Variants in MRPL39 observed in about 807,000 individuals in gnomAD.
The protein encoded by MRPL39 is large ribosomal subunit protein mL39.
A neutral mutation model predicts 44.5 loss-of-function variants in MRPL39; 35 were observed. The observed-to-expected ratio is 0.79, with a 90% confidence interval of 0.60 to 1.04. MRPL39 has a LOEUF of 1.04. Ranked by LOEUF, MRPL39 falls within the 50% of genes least tolerant of loss-of-function variation. The pLI, the probability that MRPL39 is intolerant of heterozygous loss-of-function variation, is 0.00. For synonymous variants in MRPL39, 139 were observed against 136.1 expected, an observed-to-expected ratio of 1.02 and a Z score of -0.15; for missense variants, 433 against 413.5, an observed-to-expected ratio of 1.05 and a Z score of -0.41.
At position 25,593,930 on chromosome 21, in the gene MRPL39, C is replaced by A. The variant is rs779579414; in HGVS notation, c.730G>T (p.Ala244Ser). ...ACTATTCTCTCAGGGTTCTGAGATG[C>A]CTTCTCTTCTATGAAATCTACTTTG... ...KYKVDFIEEK[A>S]SQNPERIVKL... is the part of the protein sequence containing the mutation. Residue 244 changes from alanine to serine, a missense_variant, in exon 7 of 10, where the codon GCA becomes TCA. Physicochemically the swap from Ala to Ser is moderately conservative, Grantham distance 99. Transcript: ENST00000352957. The A allele has an allele frequency of 6.4e-5, 104 of 1,613,488 alleles. No homozygotes were observed. Among genetic ancestry groups the A allele is most frequent in the Non-Finnish European group, 7.8e-5 (92 of 1,179,866 alleles).
intron 3 of MRPL39, among the ~76,000 whole-genome samples, chr21:25,602,576 G>A (rs2031552969): frequency 6.6e-6 from 1 of 152,016 alleles, no homozygotes; most frequent in African/African-American, 2.4e-5. Flanking sequence ...CAAGAACTAG[G>A]TCCAATAAGG....
intron 6 of MRPL39, among the ~76,000 whole-genome samples, chr21:25,595,532 T>G (rs567908524): frequency 6.6e-6 from 1 of 152,336 alleles, no homozygotes; most frequent in Non-Finnish European, 1.5e-5. Context: ...AATCTCAATG[T>G]GTACTGAATG....
rs760133011 is a variant in MRPL39 at position 25,606,649 on chromosome 21, A to G, written c.80T>C (p.Ile27Thr). The change falls in exon 2 of 10, where the codon ATA becomes ACA. Residue 27 changes from isoleucine to threonine, a missense_variant. Physicochemically the swap from Ile to Thr is moderately conservative, Grantham distance 89 (BLOSUM62 -1). Coordinates refer to ENST00000352957, the MANE Select transcript of MRPL39 (RefSeq NM_017446.4). The part of the protein sequence containing the change: ...APGGGIKWRF[I>T]ATSSASQLSP... ...CAGCTGAGAAGCTGACGATGTTGCT[A>G]TAAATCCTGTGGAGAAGTTACAATA... is the stretch of plus-strand genomic sequence containing the variant. 7 of 1,609,808 alleles carry G rather than the reference A, an allele frequency of 4.3e-6. No individual in the cohort carries two copies. The highest frequency in any genetic ancestry group is 2.5e-6 in the Non-Finnish European group (3 of 1,176,496).
intron 2 of MRPL39, 66 bp from the exon 3 acceptor site, chr21:25,604,001 T>C: frequency 6.9e-7 from 1 of 1,450,812 alleles, no homozygotes; most frequent in South Asian, 1.3e-5. Flanking sequence ...GTTTAAGTGC[T>C]ATATTTAGAA....
intron 4 of MRPL39, among the ~76,000 whole-genome samples, chr21:25,601,154 A>T (rs540942324): frequency 6.6e-6 from 1 of 152,322 alleles, no homozygotes; most frequent in South Asian, 2.1e-4. Flanking sequence ...TGAAATTCAT[A>T]TTCAAGACAA....
chr21:25,599,988 T>G lies in MRPL39; in HGVS notation c.521-122A>C. ...AGCACTCTCTCCCAACTCTACAAAT[T>G]ATAAAATGGTTGCCATTCTTCCAGC... On this transcript the variant is annotated intron_variant, in intron 4 of 9. Coordinates refer to ENST00000352957, the MANE Select transcript of MRPL39 (RefSeq NM_017446.4). The G allele has an allele frequency of 5.7e-6, 4 of 702,044 alleles. No homozygotes were observed. In the South Asian group the frequency reaches 7.5e-5, roughly 13 times the overall value. 43.5% of individuals were successfully genotyped at this position (702,044 alleles called of 1,614,324 possible). A position where few individuals can be genotyped will look rare whatever the true frequency, so the allele number is the denominator to read the frequency against.
intron 6 of MRPL39, among the ~76,000 whole-genome samples, chr21:25,594,535 C>T (rs1320457213): frequency 1.3e-5 from 2 of 152,076 alleles, no homozygotes; most frequent in Non-Finnish European, 2.9e-5. Context: ...CGATGAACCA[C>T]CACATCCAGC....
intron 4 of MRPL39, among the ~76,000 whole-genome samples, chr21:25,600,310 C>T (rs560269732): frequency 5.6e-5 from 8 of 143,208 alleles, no homozygotes; most frequent in African/African-American, 1.8e-4. Flanking sequence ...GCAGAAGAAT[C>T]GCTTGAATCT....
intron 8 of MRPL39, among the ~76,000 whole-genome samples, chr21:25,589,771 T>C (rs970640471): frequency 4.6e-5 from 7 of 152,128 alleles, no homozygotes; most frequent in Admixed American, 3.3e-4. Flanking sequence ...AATATCAACA[T>C]ACAAACCCTT....
intron 1 of MRPL39, among the ~76,000 whole-genome samples, chr21:25,607,011 G>A (rs4143356): frequency 0.081 from 12,280 of 152,284 alleles, 1,222 homozygotes; most frequent in African/African-American, 0.22. Context: ...GTCCCACACC[G>A]AAACTATCAA....
At chr21:25,596,350 G>T (rs972722088) in intron 6 of MRPL39, among the ~76,000 whole-genome samples, 18 of 152,138 alleles carry the variant, frequency 1.2e-4, no homozygotes, top group Non-Finnish European at 2.5e-4. Flanking sequence ...TGCCCGCCTC[G>T]GCCTCCCAAA....
intron 6 of MRPL39, among the ~76,000 whole-genome samples, chr21:25,596,398 G>A (rs192011972): frequency 1.2e-4 from 18 of 152,272 alleles, no homozygotes; most frequent in Non-Finnish European, 1.9e-4. Context: ...GCGCCCAGCC[G>A]AGTAAAATTT....
chr21:25,606,406 T>C, intron 2 of MRPL39, 43 bp downstream of exon 2: 1 of 1,496,726 alleles, frequency 6.7e-7, no homozygotes, highest in Non-Finnish European at 9.1e-7. Context: ...TCCACACAGC[T>C]TAAGTAAAAG....
intron 8 of MRPL39, among the ~76,000 whole-genome samples, chr21:25,589,420 A>ATT (rs2031102787): frequency 3.0e-5 from 1 of 33,346 alleles, no homozygotes; most frequent in Admixed American, 4.4e-4. Context: ...GACAATAGTA[A>ATT]ATTTTTTTTT....
intron 1 of MRPL39, among the ~76,000 whole-genome samples, chr21:25,607,126 G>A (rs1192980816): frequency 6.6e-6 from 1 of 152,236 alleles, no homozygotes; most frequent in East Asian, 1.9e-4. Flanking sequence ...GATGTGCACG[G>A]AACGTGCGCT....
rs2031261916 is a variant in MRPL39, at chr21:25,593,955, G to C, written c.705C>G (p.Tyr235Ter). Residue 235 changes from tyrosine to a stop codon, truncating the protein, a stop_gained, in exon 7 of 10, where the codon TAC becomes TAG. Coordinates refer to ENST00000352957, the MANE Select transcript of MRPL39 (RefSeq NM_017446.4). LOFTEE classifies it high-confidence loss of function. Reference sequence around the variant, plus strand: ...CCTTCTCTTCTATGAAATCTACTTTGTACCTGAAAAGCAGCAAAGAAAAAA... The same window carrying C: ...CCTTCTCTTCTATGAAATCTACTTTCTACCTGAAAAGCAGCAAAGAAAAAA... ...VALEIFQHSK[Y>*]KVDFIEEKAS... The C allele has an allele frequency of 6.2e-7, 1 of 1,612,630 alleles. No homozygotes were observed. Among genetic ancestry groups the C allele is most frequent in the Non-Finnish European group, 8.5e-7 (1 of 1,179,504 alleles).
chr21:25,594,072 C>A, intron 6 of MRPL39, 114 bp from the exon 7 acceptor site: 9 of 816,684 alleles, frequency 1.1e-5, no homozygotes, highest in Non-Finnish European at 1.7e-5. Context: ...GTAGGTTACA[C>A]TTGGAACCTC....
intron 6 of MRPL39, among the ~76,000 whole-genome samples, chr21:25,594,244 T>A (rs1274405339): frequency 4.6e-5 from 2 of 43,396 alleles, no homozygotes; most frequent in East Asian, 1.2e-3. Flanking sequence ...TTTTATTTCT[T>A]TGTTCTTTTT....
chr21:25,589,731 T>C (rs1361600927), intron 8 of MRPL39, among the ~76,000 whole-genome samples: 1 of 152,192 alleles, frequency 6.6e-6, no homozygotes, highest in African/African-American at 2.4e-5. Flanking sequence ...AATGAGCTCA[T>C]AAAATCTATA....
Sources: gnomAD v4.1 joint callset for allele counts (sites outside exome capture counted in the v4.1 genomes callset) on GRCh38, gnomAD v4.1.1 for gene constraint, MANE v1.5 for transcripts, NCBI Gene and HGNC (gene_info 2026-07-23, HGNC 2026-07-21) for gene names.